Variants in CSMD1 observed in about 807,000 individuals in gnomAD.
The protein encoded by CSMD1 is CUB and Sushi multiple domains 1.
Under a neutral mutation model 417.5 loss-of-function variants are expected in CSMD1, and 213 were observed. That is an observed-to-expected ratio of 0.51 (90% CI 0.46 to 0.57). The LOEUF is 0.57. CSMD1 is among the 20% of genes least tolerant of loss of function. CSMD1 has a pLI of 0.00. For synonymous variants in CSMD1, 2,862 were observed against 1,736.8 expected (o/e 1.65, Z -16.11); for missense variants, 6,923 against 4,529.7 (o/e 1.53, Z -15.17).
At chr8:4,774,698 G>A (rs915074562) in intron 1 of CSMD1, among the ~76,000 whole-genome samples, 1 of 152,096 alleles carries the variant, frequency 6.6e-6, no homozygotes, top group Non-Finnish European at 1.5e-5. Context: ...CATGGGGGTG[G>A]ATCCTTCATG....
chr8:3,080,944 A>G (rs1814052070), intron 49 of CSMD1, among the ~76,000 whole-genome samples: 1 of 152,212 alleles, frequency 6.6e-6, no homozygotes, highest in South Asian at 2.1e-4. Flanking sequence ...GGCAAAAAAA[A>G]GTGAATTAAA....
intron 6 of CSMD1, among the ~76,000 whole-genome samples, chr8:3,723,300 A>G (rs1384954717): frequency 1.3e-5 from 2 of 152,162 alleles, no homozygotes; most frequent in African/African-American, 4.8e-5. Context: ...ACCTCTTCTC[A>G]GGAAAAAGTC....
intron 49 of CSMD1, among the ~76,000 whole-genome samples, chr8:3,060,094 T>C (rs941457634): frequency 3.3e-5 from 5 of 152,132 alleles, no homozygotes; most frequent in Non-Finnish European, 7.3e-5. Context: ...CTTATTCAAA[T>C]TGTGAGATTA....
chr8:3,304,062 C>G (rs369890557), intron 25 of CSMD1, among the ~76,000 whole-genome samples: 1 of 152,038 alleles, frequency 6.6e-6, no homozygotes. Context: ...CAATAATTGG[C>G]CTAAAGTAAA....
At chr8:4,434,315 G>C (rs1380996211) in intron 2 of CSMD1, among the ~76,000 whole-genome samples, 2 of 152,138 alleles carry the variant, frequency 1.3e-5, no homozygotes, top group African/African-American at 4.8e-5. Flanking sequence ...GCAGTGAGCT[G>C]AGATTGCACC....
intron 2 of CSMD1, among the ~76,000 whole-genome samples, chr8:4,588,538 T>A (rs1369668043): frequency 6.6e-6 from 1 of 151,950 alleles, no homozygotes; most frequent in African/African-American, 2.4e-5. Flanking sequence ...CACATGCCTG[T>A]AATCCCAGCC....
chr8:4,028,214 G>C (rs967343023), intron 4 of CSMD1, among the ~76,000 whole-genome samples: 2 of 152,130 alleles, frequency 1.3e-5, no homozygotes, highest in Non-Finnish European at 2.9e-5. Context: ...CTAGGACAGA[G>C]GAATAATTCA....
At chr8:3,454,216 T>C (rs189234265) in intron 12 of CSMD1, among the ~76,000 whole-genome samples, 1 of 152,200 alleles carries the variant, frequency 6.6e-6, no homozygotes, top group Non-Finnish European at 1.5e-5. Context: ...CTCTGCACGT[T>C]AGATGGGTCT....
chr8:3,641,841 T>G (rs76747144), intron 7 of CSMD1, among the ~76,000 whole-genome samples: 2,621 of 152,318 alleles, frequency 0.017, 42 homozygotes, highest in South Asian at 0.048. Flanking sequence ...AAACCTACCA[T>G]AACGTCCTAT....
intron 12 of CSMD1, among the ~76,000 whole-genome samples, chr8:3,436,597 T>C (rs1298897593): frequency 6.6e-6 from 1 of 152,228 alleles, no homozygotes; most frequent in East Asian, 1.9e-4. Context: ...ACGTATGTTT[T>C]ATTATTGATC....
chr8:4,374,526 G>C (rs1040981672), intron 3 of CSMD1, among the ~76,000 whole-genome samples: 2 of 152,084 alleles, frequency 1.3e-5, no homozygotes, highest in African/African-American at 2.4e-5. Flanking sequence ...GATCTAGAGA[G>C]AAGAGGCTGG....
intron 3 of CSMD1, among the ~76,000 whole-genome samples, chr8:4,262,252 G>T (rs549117185): frequency 6.6e-6 from 1 of 152,126 alleles, no homozygotes; most frequent in Admixed American, 6.6e-5. Flanking sequence ...TCCGGGGCAT[G>T]GTGGAGGATG....
chr8:4,228,499 C>G lies in CSMD1; in HGVS notation c.415+191454G>C, dbSNP rs183453256. Among the ~76,000 whole-genome samples the G allele has an allele frequency of 5.7e-3, 871 of 152,024 alleles. 6 individuals carry two copies. The highest frequency in any genetic ancestry group is 8.7e-3 in the Non-Finnish European group (594 of 67,974). ...CCACTGTATCCTCCCCCAACTGTCT[C>G]TGGTCTTCCAGTCAACCCTGTATCT... On this transcript the variant is annotated intron_variant, in intron 3 of 69. Transcript: ENST00000635120.
rs562164842 is a variant in CSMD1 at position 4,362,337 on chromosome 8, A to AC, written c.415+57615dup. On this transcript the variant is annotated intron_variant, in intron 3 of 69. Coordinates refer to ENST00000635120, the MANE Select transcript of CSMD1 (RefSeq NM_033225.6). The stretch of plus-strand genomic sequence containing the variant: ...CCTGGGGTTGTAACTGAACCTTGAG[A>AC]CCCCAAGCTCATCTGTCTGCCCCCT... 5.3e-5 allele frequency among the ~76,000 whole-genome samples: 8 copies of AC among 152,144 alleles called. No individual in the cohort carries two copies. In the East Asian group the frequency reaches 1.4e-3, roughly 26 times the overall value.
intron 6 of CSMD1, among the ~76,000 whole-genome samples, chr8:3,720,327 C>T (rs1802079017): frequency 6.6e-6 from 1 of 152,178 alleles, no homozygotes; most frequent in Non-Finnish European, 1.5e-5. Context: ...AGAGGAGAAG[C>T]TACTGGAAAG....
chr8:3,030,586 C>A (rs1305226019), intron 50 of CSMD1, among the ~76,000 whole-genome samples: 4 of 152,004 alleles, frequency 2.6e-5, no homozygotes, highest in African/African-American at 9.7e-5. Context: ...AAGCGATTCT[C>A]CTGCCTCAGC....
chr8:3,999,712 C>G (rs1001841693), intron 4 of CSMD1, among the ~76,000 whole-genome samples: 1 of 152,146 alleles, frequency 6.6e-6, no homozygotes, highest in African/African-American at 2.4e-5. Flanking sequence ...TCAACTAATG[C>G]TAATGGCAGC....
chr8:4,482,123 G>A (rs778055254), intron 2 of CSMD1, among the ~76,000 whole-genome samples: 23 of 152,138 alleles, frequency 1.5e-4, no homozygotes, highest in Non-Finnish European at 2.5e-4. Context: ...TTTAAGTTCA[G>A]GGGTACATGA....
At chr8:4,220,605 T>C (rs754904763) in intron 3 of CSMD1, among the ~76,000 whole-genome samples, 1 of 152,112 alleles carries the variant, frequency 6.6e-6, no homozygotes. Flanking sequence ...AGGGTCCATG[T>C]GAGAGGAAGG....
Sources: gnomAD v4.1 joint callset for allele counts (sites outside exome capture counted in the v4.1 genomes callset) on GRCh38, gnomAD v4.1.1 for gene constraint, MANE v1.5 for transcripts, NCBI Gene and HGNC (gene_info 2026-07-23, HGNC 2026-07-21) for gene names.